TNFAIP8: variants seen among roughly 807,000 people sequenced by gnomAD.
TNFAIP8 encodes the protein TNF alpha induced protein 8, also known as tumor necrosis factor alpha-induced protein 8.
TNFAIP8 carries 7 observed loss-of-function variants against 13.3 expected under a neutral mutation model. The observed-to-expected ratio is 0.52, with a 90% CI of 0.30 to 0.99. The LOEUF is 0.99. Ranked by LOEUF, TNFAIP8 falls within the 50% of genes least tolerant of loss-of-function variation. TNFAIP8 has a pLI of 0.07. For synonymous variants in TNFAIP8, 94 were observed against 87.6 expected, an observed-to-expected ratio of 1.07 and a Z score of -0.41; for missense variants, 258 against 236.9, an observed-to-expected ratio of 1.09 and a Z score of -0.58.
intron 1 of TNFAIP8, among the ~76,000 whole-genome samples, chr5:119,372,322 C>CAA (rs67551765): frequency 0.37 from 41,738 of 111,580 alleles, 7,301 homozygotes; most frequent in Non-Finnish European, 0.43. Context: ...GACCCTGTCT[C>CAA]AAAAAAAAAA....
chr5:119,360,599 A>G (rs77146356), intron 1 of TNFAIP8, among the ~76,000 whole-genome samples: 2 of 152,214 alleles, frequency 1.3e-5, no homozygotes, highest in East Asian at 1.9e-4. Context: ...TGACCTCTTC[A>G]TTTTAGAGGT....
chr5:119,317,876 C>T (rs1315415), intron 1 of TNFAIP8, among the ~76,000 whole-genome samples: 2 of 152,090 alleles, frequency 1.3e-5, no homozygotes, highest in African/African-American at 2.4e-5. Flanking sequence ...GGATTACAGG[C>T]GTGAGCTCCT....
chr5:119,343,223 A>T (rs912899215), intron 1 of TNFAIP8, among the ~76,000 whole-genome samples: 1 of 152,182 alleles, frequency 6.6e-6, no homozygotes, highest in Non-Finnish European at 1.5e-5. Context: ...TCTACCGGGG[A>T]TGTTTGCATT....
chr5:119,361,459 G>T (rs1751632203), intron 1 of TNFAIP8, among the ~76,000 whole-genome samples: 1 of 152,164 alleles, frequency 6.6e-6, no homozygotes, highest in African/African-American at 2.4e-5. Context: ...TGGGGGAGGG[G>T]AGGAGTTGTG....
At chr5:119,389,134 C>G (rs760398909) in intron 1 of TNFAIP8, among the ~76,000 whole-genome samples, 1 of 151,962 alleles carries the variant, frequency 6.6e-6, no homozygotes, top group Non-Finnish European at 1.5e-5. Flanking sequence ...TGGATGATCC[C>G]CAGGTCTCTG....
chr5:119,328,975 T>C lies in TNFAIP8; in HGVS notation c.1+60068T>C, dbSNP rs1750299251. On this transcript the variant is annotated intron_variant, in intron 1 of 1. Coordinates refer to the TNFAIP8 transcript ENST00000274456. ...CAGCACTCGGTGTTTCTTTGCTTTCTAAATGCTGATTTAGTGTTTTCATTG... is the reference window on the plus strand; with the variant it reads ...CAGCACTCGGTGTTTCTTTGCTTTCCAAATGCTGATTTAGTGTTTTCATTG... Among the ~76,000 whole-genome samples, 2 of 152,264 alleles carry C rather than the reference T, an allele frequency of 1.3e-5. 1 individual carries two copies.
intron 1 of TNFAIP8, among the ~76,000 whole-genome samples, chr5:119,345,521 C>T (rs183163414): frequency 2.4e-4 from 37 of 152,244 alleles, no homozygotes; most frequent in Admixed American, 2.4e-3. Flanking sequence ...ATCACCCAGC[C>T]TTAAAAAGGA....
rs1420495312 is a variant in TNFAIP8 at position 119,393,800 on chromosome 5, G to T, written c.*419G>T. 6.3e-6 allele frequency: 1 copy of T among 158,002 alleles called. No homozygotes were observed. The allele number at this position is 158,002 out of a possible 1,614,324, so 9.8% of individuals were successfully genotyped here. On this transcript the variant is annotated 3_prime_UTR_variant, in exon 2 of 2. Transcript: ENST00000504771. ...ATATGTACTTTTCTTAAAATGCCAA[G>T]AACTTTCTCTTGCTATCATTGCTCC... is the stretch of plus-strand genomic sequence containing the variant.
intron 1 of TNFAIP8, among the ~76,000 whole-genome samples, chr5:119,381,767 T>C (rs1249417912): frequency 5.3e-5 from 8 of 151,956 alleles, no homozygotes; most frequent in Non-Finnish European, 1.5e-5. Context: ...ACCCCGTCTC[T>C]ACTAAAAATA....
chr5:119,338,333 G>T (rs1301981917), intron 1 of TNFAIP8, among the ~76,000 whole-genome samples: 4 of 152,214 alleles, frequency 2.6e-5, no homozygotes, highest in African/African-American at 9.6e-5. Context: ...CCGTCAGGAA[G>T]GGTAGGGCAG....
At chr5:119,308,865 A>G (rs1349463247) in intron 1 of TNFAIP8, among the ~76,000 whole-genome samples, 1 of 151,968 alleles carries the variant, frequency 6.6e-6, no homozygotes, top group East Asian at 1.9e-4. Context: ...AAAAAAAAAA[A>G]AAAAAAAAAG....
At chr5:119,356,212 G>GCCCACCGCTCACTTTA in intron 1 of TNFAIP8, 91 bp downstream of exon 1, 2 of 1,214,256 alleles carry the variant, frequency 1.6e-6, no homozygotes, top group Non-Finnish European at 2.3e-6. Flanking sequence ...GTTTTAAAGT[G>GCCCACCGCTCACTTTA]AGCGGTGGGC....
chr5:119,388,278 A>C (rs926418313), intron 1 of TNFAIP8, among the ~76,000 whole-genome samples: 4 of 152,252 alleles, frequency 2.6e-5, no homozygotes. Context: ...TAGAGGGAAG[A>C]AAAACCACAT....
rs538871588 is a variant in TNFAIP8, at chr5:119,358,626, A to G, written c.31+2505A>G. ...TCACTTTTTTAAAAAGGTGACTACC[A>G]TTAAAAAGAGGATATCAACAGTTTC... is the stretch of plus-strand genomic sequence containing the variant. On this transcript the variant is annotated intron_variant, in intron 1 of 1. Coordinates refer to ENST00000504771, the MANE Select transcript of TNFAIP8 (RefSeq NM_014350.4). 2.0e-5 allele frequency among the ~76,000 whole-genome samples: 3 copies of G among 152,358 alleles called. No homozygotes were observed. The South Asian group carries it at 6.2e-4, about 32-fold the overall frequency.
chr5:119,299,249 T>A (rs986310339), intron 1 of TNFAIP8, among the ~76,000 whole-genome samples: 1 of 152,168 alleles, frequency 6.6e-6, no homozygotes. Flanking sequence ...TATCTACTTT[T>A]GGTCTTTGAT....
intron 1 of TNFAIP8, among the ~76,000 whole-genome samples, chr5:119,373,289 AAGAG>A (rs914686676): frequency 1.3e-5 from 2 of 152,256 alleles, no homozygotes; most frequent in African/African-American, 4.8e-5. Flanking sequence ...CCCAAAATGT[AAGAG>A]AGAGTGAAGA....
chr5:119,386,177 C>T (rs1752662772), intron 1 of TNFAIP8, among the ~76,000 whole-genome samples: 1 of 152,134 alleles, frequency 6.6e-6, no homozygotes, highest in Non-Finnish European at 1.5e-5. Flanking sequence ...ATATGTGTTA[C>T]AAGGTATGTT....
chr5:119,314,438 A>G (rs141688752), intron 1 of TNFAIP8, among the ~76,000 whole-genome samples: 1 of 152,196 alleles, frequency 6.6e-6, no homozygotes, highest in Non-Finnish European at 1.5e-5. Context: ...CACACACACA[A>G]AAACAGACAG....
At chr5:119,334,690 C>G (rs906794370) in intron 1 of TNFAIP8, among the ~76,000 whole-genome samples, 9 of 147,176 alleles carry the variant, frequency 6.1e-5, no homozygotes, top group African/African-American at 2.3e-4. Context: ...AGGAGAATTG[C>G]TTGAACCTGG....
Sources: allele counts gnomAD v4.1 joint callset (sites outside exome capture counted in the v4.1 genomes callset), GRCh38; gene constraint gnomAD v4.1.1; transcripts MANE v1.5; gene names NCBI Gene and HGNC (gene_info 2026-07-23, HGNC 2026-07-21).